Variants in FNDC3B observed in about 807,000 individuals in gnomAD.
FNDC3B encodes the protein fibronectin type III domain containing 3B, also known as fibronectin type III domain-containing protein 3B.
In FNDC3B, 12 loss-of-function variants were observed where a neutral mutation model predicts 151.5. The observed-to-expected ratio is 0.08, with a 90% CI of 0.05 to 0.13. The LOEUF (loss-of-function observed/expected upper bound fraction) is 0.13. Ranked by LOEUF, FNDC3B falls within the 10% of genes least tolerant of loss-of-function variation. FNDC3B has a pLI of 1.00. For synonymous variants in FNDC3B, 528 were observed against 549.0 expected (o/e 0.96, Z 0.54); for missense variants, 1,214 against 1,505.3 (o/e 0.81, Z 3.20).
chr3:172,332,199 A>G (rs1314763420), intron 13 of FNDC3B, among the ~76,000 whole-genome samples: 1 of 151,678 alleles, frequency 6.6e-6, no homozygotes, highest in Non-Finnish European at 1.5e-5. Flanking sequence ...CGAACTCCCA[A>G]CCTCAGGTGA....
intron 18 of FNDC3B, among the ~76,000 whole-genome samples, 184 bp downstream of exon 18, chr3:172,343,300 C>G (rs1042572791): frequency 2.4e-4 from 36 of 152,150 alleles, no homozygotes; most frequent in African/African-American, 8.4e-4. Context: ...TTCCCCCCAT[C>G]CACACCCGCA....
chr3:172,378,425 C>A lies in FNDC3B; in HGVS notation c.3164C>A (p.Pro1055His). ...YTFSTTKSVPPTIKAPRVTQL... is the reference protein window; with the variant it reads ...YTFSTTKSVPHTIKAPRVTQL... The stretch of plus-strand genomic sequence containing the variant: ...TTCAGCACAACCAAAAGTGTCCCCC[C>A]CACCATCAAAGGTGTGTAGACTATG... The change falls in exon 24 of 26, where the codon CCC (proline) becomes CAC (histidine). Residue 1055 changes from proline to histidine, a missense_variant. Physicochemically the swap from Pro to His is moderately conservative, Grantham distance 77 (BLOSUM62 -2). Transcript: ENST00000415807. The A allele has an allele frequency of 6.2e-7, 1 of 1,611,410 alleles. No individual in the cohort carries two copies. The highest frequency in any genetic ancestry group is 1.3e-5 in the African/African-American group (1 of 74,876).
At chr3:172,101,844 T>C (rs1034934275) in intron 1 of FNDC3B, among the ~76,000 whole-genome samples, 10 of 152,240 alleles carry the variant, frequency 6.6e-5, no homozygotes, top group African/African-American at 2.4e-4. Context: ...TAAATGGTAG[T>C]ATAATGGATT....
chr3:172,228,473 T>C (rs1560028292), intron 4 of FNDC3B, among the ~76,000 whole-genome samples: 1 of 152,188 alleles, frequency 6.6e-6, no homozygotes, highest in Non-Finnish European at 1.5e-5. Flanking sequence ...TTCAGTGTGC[T>C]TTTTCTTACT....
chr3:172,124,376 C>T (rs1720704698), intron 2 of FNDC3B, among the ~76,000 whole-genome samples: 1 of 152,238 alleles, frequency 6.6e-6, no homozygotes, highest in African/African-American at 2.4e-5. Context: ...CGGGCGTGAG[C>T]CACCACGCCT....
At chr3:172,283,641 C>T (rs1729855581) in intron 6 of FNDC3B, among the ~76,000 whole-genome samples, 1 of 152,142 alleles carries the variant, frequency 6.6e-6, no homozygotes, top group Admixed American at 6.5e-5. Context: ...ACCATAGGGT[C>T]CTTCAAATTC....
At position 172,260,988 on chromosome 3, in the gene FNDC3B, T is replaced by C. The variant is rs189806200; in HGVS notation, c.790+9447T>C. On this transcript the variant is annotated intron_variant, in intron 6 of 25. Transcript: ENST00000415807. ...GGCGATGGGCAAACAACAACTTCTC[T>C]ATATTTATTTTTCTCCCACCCACAT... is the stretch of plus-strand genomic sequence containing the variant. 2.6e-3 allele frequency among the ~76,000 whole-genome samples: 391 copies of C among 152,310 alleles called. 4 individuals are homozygous for C. Among genetic ancestry groups the C allele is most frequent in the Non-Finnish European group, 4.7e-3 (322 of 68,030 alleles).
At chr3:172,150,036 C>G (rs568752026) in intron 3 of FNDC3B, among the ~76,000 whole-genome samples, 14 of 152,008 alleles carry the variant, frequency 9.2e-5, no homozygotes, top group African/African-American at 2.9e-4. Flanking sequence ...CCAGGCTGGT[C>G]TCGAACTCCT....
In FNDC3B at chr3:172,371,261, G is replaced by A. The variant is rs981115977; in HGVS notation, c.3009-7009G>A. On this transcript the variant is annotated intron_variant, in intron 23 of 25. Coordinates refer to ENST00000415807, the MANE Select transcript of FNDC3B (RefSeq NM_022763.4). ...ATACCTAATATAATGCCATTGCTACGTAAATAGTTGTTATGCTTTAGGGAA... is the reference window on the plus strand; with the variant it reads ...ATACCTAATATAATGCCATTGCTACATAAATAGTTGTTATGCTTTAGGGAA... Among the ~76,000 whole-genome samples, 31 of 152,092 alleles carry A rather than the reference G, an allele frequency of 2.0e-4. 1 individual carries two copies. Among genetic ancestry groups the A allele is most frequent in the African/African-American group, 7.2e-4 (30 of 41,408 alleles).
At chr3:172,355,190 C>T (rs1734035460) in intron 22 of FNDC3B, among the ~76,000 whole-genome samples, 1 of 152,150 alleles carries the variant, frequency 6.6e-6, no homozygotes, top group Non-Finnish European at 1.5e-5. Context: ...GAAAACCTAA[C>T]TTTGCTCTGT....
chr3:172,306,754 T>A (rs1283601428), intron 9 of FNDC3B, among the ~76,000 whole-genome samples: 1 of 152,232 alleles, frequency 6.6e-6, no homozygotes, highest in Non-Finnish European at 1.5e-5. Context: ...TCTTTAATCT[T>A]GGCTTCATGT....
chr3:172,298,859 T>C, intron 9 of FNDC3B, 72 bp downstream of exon 9: 6 of 1,138,848 alleles, frequency 5.3e-6, no homozygotes, highest in Non-Finnish European at 7.6e-6. Context: ...GTACTCCCTT[T>C]TAAGTTTTTG....
At chr3:172,329,619 A>C (rs1281330404) in intron 12 of FNDC3B, 1 of 152,318 alleles carries the variant, frequency 6.6e-6, no homozygotes, top group Non-Finnish European at 1.5e-5. Flanking sequence ...GAGGCTTTGA[A>C]AAGGCCATGT....
At chr3:172,110,391 A>C (rs1181094426) in intron 1 of FNDC3B, among the ~76,000 whole-genome samples, 1 of 152,062 alleles carries the variant, frequency 6.6e-6, no homozygotes, top group African/African-American at 2.4e-5. Context: ...TGGAGTATAG[A>C]CAGCTTCAGC....
intron 6 of FNDC3B, among the ~76,000 whole-genome samples, chr3:172,251,964 A>G (rs1316288470): frequency 2.0e-5 from 3 of 152,200 alleles, no homozygotes; most frequent in Non-Finnish European, 4.4e-5. Context: ...AATGAAATCT[A>G]TCATTGAATC....
Position 172,344,252 on chromosome 3 carries a change from T to C in FNDC3B, c.2244T>C (p.Asp748=), listed in dbSNP as rs146385384. The C allele has an allele frequency of 5.4e-5, 87 of 1,613,598 alleles. No individual in the cohort carries two copies. In the African/African-American group the frequency reaches 1.1e-3, roughly 20 times the overall value. Residue 748 remains aspartate, a synonymous_variant, in exon 19 of 26, where the codon GAT becomes GAC. Coordinates refer to ENST00000415807, the MANE Select transcript of FNDC3B (RefSeq NM_022763.4). ...GCTTCCGGGTGAGGGCTCTGAATGA[T>C]GGAGGGGTGAGTATAAGCCCATACA... ...VYRFRVRALN[D]GGYGPYSDVS...
intron 2 of FNDC3B, among the ~76,000 whole-genome samples, chr3:172,113,176 G>A (rs1437768487): frequency 1.3e-5 from 2 of 152,162 alleles, no homozygotes; most frequent in South Asian, 2.1e-4. Context: ...CAAATTATTA[G>A]GGATTGAACT....
chr3:172,209,686 T>C (rs1213932132), intron 3 of FNDC3B, among the ~76,000 whole-genome samples: 2 of 152,140 alleles, frequency 1.3e-5, no homozygotes, highest in Admixed American at 6.5e-5. Context: ...GCCTCGACCA[T>C]AGGCTTCAGG....
intron 25 of FNDC3B, among the ~76,000 whole-genome samples, chr3:172,395,164 T>C (rs1041622948): frequency 6.6e-6 from 1 of 152,216 alleles, no homozygotes; most frequent in African/African-American, 2.4e-5. Flanking sequence ...ACTACTCAGA[T>C]AGAGTTCCGT....
Sources: allele counts gnomAD v4.1 joint callset (sites outside exome capture counted in the v4.1 genomes callset), GRCh38; gene constraint gnomAD v4.1.1; transcripts MANE v1.5; gene names NCBI Gene and HGNC (gene_info 2026-07-23, HGNC 2026-07-21).